MCTP2: variants seen among roughly 807,000 people sequenced by gnomAD.
MCTP2 encodes multiple C2 and transmembrane domain containing 2.
MCTP2 carries 132 observed loss-of-function variants against 111.6 expected under a neutral mutation model. That is an observed-to-expected ratio of 1.18 (90% CI 1.03 to 1.37). The LOEUF is 1.37. MCTP2 is among the 40% of genes most tolerant of loss of function. MCTP2 has a pLI of 0.00. For missense variants in MCTP2, 1,183 were observed against 1,067.9 expected, an observed-to-expected ratio of 1.11 and a Z score of -1.50; for synonymous variants, 395 against 387.7, an observed-to-expected ratio of 1.02 and a Z score of -0.22.
At chr15:94,333,287 G>T (rs1026514526) in intron 4 of MCTP2, among the ~76,000 whole-genome samples, 1 of 152,140 alleles carries the variant, frequency 6.6e-6, no homozygotes, top group East Asian at 1.9e-4. Flanking sequence ...AAGAAAGCAG[G>T]TAAATAATAC....
At chr15:94,275,996 C>T (rs1182422166) in intron 1 of MCTP2, among the ~76,000 whole-genome samples, 1 of 151,946 alleles carries the variant, frequency 6.6e-6, no homozygotes, top group Non-Finnish European at 1.5e-5. Flanking sequence ...CAGGCACTTG[C>T]CACCATGCCC....
intron 10 of MCTP2, among the ~76,000 whole-genome samples, chr15:94,364,198 G>GA (rs963104557): frequency 5.3e-5 from 8 of 151,802 alleles, no homozygotes; most frequent in African/African-American, 1.5e-4. Context: ...TTTTTTTTGG[G>GA]AAAAAACCTT....
intron 1 of MCTP2, among the ~76,000 whole-genome samples, chr15:94,252,275 C>CA (rs1267496801): frequency 6.6e-6 from 1 of 152,188 alleles, no homozygotes. Context: ...GTCTTGCCAA[C>CA]ACTTGCCATT....
intron 17 of MCTP2, among the ~76,000 whole-genome samples, chr15:94,422,001 A>G (rs2082650258): frequency 6.6e-6 from 1 of 152,192 alleles, no homozygotes; most frequent in East Asian, 1.9e-4. Context: ...AGAGGCTTAA[A>G]TTTGGGAAAA....
chr15:94,437,155 CAAAAAAAAAA>C (rs11352999), intron 17 of MCTP2, among the ~76,000 whole-genome samples: 95 of 69,588 alleles, frequency 1.4e-3, no homozygotes, highest in East Asian at 0.013. Flanking sequence ...CTTACACATC[CAAAAAAAAAA>C]AAAAAAAAAA....
At chr15:94,326,501 G>GACCTACTGGTGTGTGAAAGTGGGCC (rs909880639) in intron 4 of MCTP2, among the ~76,000 whole-genome samples, 2 of 151,884 alleles carry the variant, frequency 1.3e-5, no homozygotes, top group Non-Finnish European at 2.9e-5. Context: ...CCTATTTGTT[G>GACCTACTGGTGTGTGAAAGTGGGCC]ACCTACTGGT....
chr15:94,399,986 G>A lies in MCTP2; in HGVS notation c.1956G>A (p.Leu652=). ...GCTTTGTTGAAGACAGCCGCAAGCT[G>A]TCCAAAAAGGTGGGTCGCTACAGTA... ...EKRFVEDSRK[L]SKKILSRDVD... Residue 652 remains leucine, a synonymous_variant, in exon 16 of 23, where the codon CTG becomes CTA. Transcript: ENST00000357742. 6.2e-7 allele frequency: 1 copy of A among 1,613,942 alleles called. No individual in the cohort carries two copies. The highest frequency in any genetic ancestry group is 8.5e-7 in the Non-Finnish European group (1 of 1,179,872).
intron 1 of MCTP2, 50 bp from the exon 2 acceptor site, chr15:94,298,151 G>GTTT: frequency 2.2e-5 from 14 of 632,824 alleles, no homozygotes; most frequent in South Asian, 8.0e-5. Flanking sequence ...GAAGGTTCAT[G>GTTT]TTTTTTTTTT....
At chr15:94,385,806 A>G (rs1255663066) in intron 14 of MCTP2, among the ~76,000 whole-genome samples, 1 of 152,204 alleles carries the variant, frequency 6.6e-6, no homozygotes, top group African/African-American at 2.4e-5. Context: ...TAAGATAGGA[A>G]TTTGTCTTTG....
chr15:94,309,713 C>T (rs927846799), intron 2 of MCTP2, among the ~76,000 whole-genome samples: 2 of 152,034 alleles, frequency 1.3e-5, no homozygotes, highest in African/African-American at 2.4e-5. Context: ...CATATCCTGC[C>T]GAATTTTAAT....
chr15:94,472,018 T>C (rs1468934320), intron 21 of MCTP2, among the ~76,000 whole-genome samples: 1 of 152,236 alleles, frequency 6.6e-6, no homozygotes, highest in African/African-American at 2.4e-5. Flanking sequence ...ACATTGCTTC[T>C]TCTGGACTTC....
intron 4 of MCTP2, among the ~76,000 whole-genome samples, chr15:94,328,298 T>G (rs1399773462): frequency 1.3e-5 from 2 of 151,752 alleles, no homozygotes; most frequent in East Asian, 3.9e-4. Flanking sequence ...CCGGCTAATT[T>G]TTTGTATTTT....
intron 1 of MCTP2, among the ~76,000 whole-genome samples, chr15:94,297,698 T>C (rs2075337959): frequency 6.6e-6 from 1 of 152,208 alleles, no homozygotes; most frequent in Non-Finnish European, 1.5e-5. Context: ...TCTCCTTTGA[T>C]GTCGCACAGC....
chr15:94,350,749 A>C (rs1426976394), intron 8 of MCTP2, among the ~76,000 whole-genome samples: 1 of 152,206 alleles, frequency 6.6e-6, no homozygotes, highest in Non-Finnish European at 1.5e-5. Context: ...TATACAAGTA[A>C]ATCAAGAAAT....
chr15:94,431,114 T>C (rs59651565), intron 17 of MCTP2, among the ~76,000 whole-genome samples: 21,357 of 152,216 alleles, frequency 0.14, 1,584 homozygotes, highest in East Asian at 0.25. Context: ...TTTACTCTTG[T>C]GTCTAAATCA....
At chr15:94,328,114 A>C (rs2076961266) in intron 4 of MCTP2, among the ~76,000 whole-genome samples, 1 of 149,312 alleles carries the variant, frequency 6.7e-6, no homozygotes, top group African/African-American at 2.5e-5. Context: ...GGTTTTTATC[A>C]AGTGTTTATT....
chr15:94,426,921 C>T (rs1461346578), intron 17 of MCTP2, among the ~76,000 whole-genome samples: 1 of 152,224 alleles, frequency 6.6e-6, no homozygotes, highest in Middle Eastern at 3.4e-3. Flanking sequence ...GGATTCTCAA[C>T]AAAACCATGC....
In MCTP2 at chr15:94,324,940, CTG is replaced by C. The variant is rs1406231244; in HGVS notation, c.637+9305_637+9306del. Among the ~76,000 whole-genome samples the C allele has an allele frequency of 4.6e-5, 7 of 152,322 alleles. No homozygotes were observed. In the South Asian group the frequency reaches 1.4e-3, roughly 32 times the overall value. On this transcript the variant is annotated intron_variant, in intron 4 of 22. Coordinates refer to ENST00000357742, the MANE Select transcript of MCTP2 (RefSeq NM_001385001.1). ...TAATTTTTATGATGTTGCTAGAACTCTGTATTGTATACTGAGCAGCGGTGTAG... is the reference window on the plus strand; with the variant it reads ...TAATTTTTATGATGTTGCTAGAACTCTATTGTATACTGAGCAGCGGTGTAG...
intron 10 of MCTP2, among the ~76,000 whole-genome samples, chr15:94,365,090 G>A (rs1038547355): frequency 6.6e-6 from 1 of 152,146 alleles, no homozygotes; most frequent in African/African-American, 2.4e-5. Context: ...GGTGGGTCAG[G>A]ACCTCTAAGA....
Sources: allele counts gnomAD v4.1 joint callset (sites outside exome capture counted in the v4.1 genomes callset), GRCh38; gene constraint gnomAD v4.1.1; transcripts MANE v1.5; gene names NCBI Gene and HGNC (gene_info 2026-07-23, HGNC 2026-07-21).